Variants in APOLD1 observed in about 807,000 individuals in gnomAD.
APOLD1 encodes the protein apolipoprotein L domain containing 1.
In APOLD1, 22 loss-of-function variants were observed where a neutral mutation model predicts 15.3. The observed-to-expected ratio is 1.44, with a 90% confidence interval of 1.03 to 2.05. The LOEUF (loss-of-function observed/expected upper bound fraction) is 2.05, where lower values mean the gene tolerates loss of function less well. Among genes scored for constraint, APOLD1 ranks in the 30% most tolerant of loss-of-function variants. The probability of loss-of-function intolerance (pLI) is 0.00; values close to 1 mark genes in which losing one functional copy is unlikely to be tolerated. For missense variants in APOLD1, 394 were observed against 353.5 expected, an observed-to-expected ratio of 1.11 and a Z score of -0.92; for synonymous variants, 190 against 167.4, an observed-to-expected ratio of 1.13 and a Z score of -1.04.
chr12:12,787,882 T>A lies in APOLD1; in HGVS notation c.*230T>A. On this transcript the variant is annotated 3_prime_UTR_variant, in exon 2 of 2. Transcript: ENST00000356591. This position sits in a 1 kb window ranked among gnomAD's most constrained non-coding sequence, Gnocchi z 4.9. ...TTTCAGTCTTCCTAGTGGAAAAATG[T>A]GACCCAAAAACTCTTTTTCCTTTAT... 3 of 571,710 alleles carry A rather than the reference T, an allele frequency of 5.2e-6. No homozygotes were observed. Among genetic ancestry groups the A allele is most frequent in the Non-Finnish European group, 5.8e-6 (2 of 345,666 alleles). 35.4% of individuals were successfully genotyped at this position (571,710 alleles called of 1,614,324 possible).
chr12:12,728,962 A>G (rs1341232167), intron 1 of APOLD1, among the ~76,000 whole-genome samples: 1 of 152,140 alleles, frequency 6.6e-6, no homozygotes, highest in Non-Finnish European at 1.5e-5. Context: ...TCCCTAATTC[A>G]TCTGCACCTC....
At chr12:12,757,431 C>A (rs180724539) in intron 1 of APOLD1, among the ~76,000 whole-genome samples, 142 of 152,310 alleles carry the variant, frequency 9.3e-4, no homozygotes, top group African/African-American at 3.3e-3. Context: ...ATTGAAGAAC[C>A]AGTCCAGCCC....
At chr12:12,765,173 C>T (rs1592302443) in intron 1 of APOLD1, among the ~76,000 whole-genome samples, 3 of 152,178 alleles carry the variant, frequency 2.0e-5, no homozygotes, top group Middle Eastern at 6.8e-3. Context: ...AGGAAGCCTC[C>T]AATCATGATG....
chr12:12,764,457 C>T (rs1946929021), intron 1 of APOLD1, among the ~76,000 whole-genome samples: 1 of 152,066 alleles, frequency 6.6e-6, no homozygotes, highest in Non-Finnish European at 1.5e-5. Context: ...AAACCACAAC[C>T]ACATATGTGA....
At position 12,730,695 on chromosome 12, in the gene APOLD1, AAAAG is replaced by A. The variant is rs796102474; in HGVS notation, c.96+4611_96+4614del. 4.6e-3 allele frequency among the ~76,000 whole-genome samples: 577 copies of A among 124,190 alleles called. 2 individuals are homozygous for A. Among genetic ancestry groups the A allele is most frequent in the East Asian group, 6.5e-3 (27 of 4,140 alleles). 81.5% of individuals were successfully genotyped at this position (124,190 alleles called of 152,430 possible). The stretch of plus-strand genomic sequence containing the variant: ...AGACTTCCTCTAAAAAAAAAAAAAA[AAAAG>A]AAAGAAAGAAAAAAGTTTTTTTTTT... On this transcript the variant is annotated intron_variant, in intron 1 of 1. Transcript: ENST00000326765.
intron 1 of APOLD1, among the ~76,000 whole-genome samples, chr12:12,747,760 A>G (rs927074970): frequency 2.6e-5 from 4 of 152,242 alleles, no homozygotes; most frequent in Non-Finnish European, 5.9e-5. Context: ...TTGGCTAAAA[A>G]ATTGAAATGT....
intron 1 of APOLD1, among the ~76,000 whole-genome samples, chr12:12,769,656 G>T (rs1303899905): frequency 1.3e-5 from 2 of 152,186 alleles, no homozygotes; most frequent in African/African-American, 4.8e-5. Flanking sequence ...TAAGAACAAG[G>T]TCTTCCCTCA....
chr12:12,766,169 A>G (rs1420116903), intron 1 of APOLD1, among the ~76,000 whole-genome samples: 1 of 152,222 alleles, frequency 6.6e-6, no homozygotes, highest in African/African-American at 2.4e-5. Context: ...GCTGCTTCAC[A>G]GATCCTGAGT....
At chr12:12,776,868 A>C (rs1947039500) in intron 1 of APOLD1, among the ~76,000 whole-genome samples, 1 of 152,212 alleles carries the variant, frequency 6.6e-6, no homozygotes, top group South Asian at 2.1e-4. Context: ...ATTTCCTAGA[A>C]GTAGATATTA....
chr12:12,765,100 T>G (rs1408710589), intron 1 of APOLD1, among the ~76,000 whole-genome samples: 2 of 152,170 alleles, frequency 1.3e-5, no homozygotes, highest in Non-Finnish European at 2.9e-5. Flanking sequence ...GGAAATGTAG[T>G]CTTCCTGGTT....
Position 12,787,273 on chromosome 12 carries a change from T to C in APOLD1, c.368T>C (p.Ile123Thr), listed in dbSNP as rs1232401158. The C allele has an allele frequency of 6.3e-7, 1 of 1,598,852 alleles. No individual in the cohort carries two copies. Among genetic ancestry groups the C allele is most frequent in the Non-Finnish European group, 8.5e-7 (1 of 1,173,852 alleles). Residue 123 changes from isoleucine to threonine, a missense_variant, in exon 2 of 2, where the codon ATC becomes ACC. Physicochemically the swap from Ile to Thr is moderately conservative, Grantham distance 89. Coordinates refer to ENST00000356591, the MANE Select transcript of APOLD1 (RefSeq NM_030817.3). This position sits in a 1 kb window ranked among gnomAD's most constrained non-coding sequence, Gnocchi z 4.9. ...CGGGAGCTGCGGAGGGTGCAGGAGA[T>C]CGCGGCCACCTGCCAGGACCAGATG... ...NSRELRRVQEIAATCQDQMRE... is the reference protein window; with the variant it reads ...NSRELRRVQETAATCQDQMRE...
chr12:12,735,033 G>C (rs549810759), intron 1 of APOLD1, among the ~76,000 whole-genome samples: 1 of 152,194 alleles, frequency 6.6e-6, no homozygotes, highest in East Asian at 1.9e-4. Flanking sequence ...AAGCAAGCAG[G>C]GGCTAAAATC....
intron 1 of APOLD1, among the ~76,000 whole-genome samples, chr12:12,757,133 AT>A: frequency 6.6e-6 from 1 of 152,336 alleles, no homozygotes; most frequent in Middle Eastern, 3.4e-3. Flanking sequence ...AACAAGAACT[AT>A]AAAAAATATC....
rs186520992 is a variant in APOLD1 at position 12,738,195 on chromosome 12, G to A, written c.96+12099G>A. ...GCTCTCCCCATACTCACCAGAGCAAGCAAGTCCTTTTTTTTTTTTTTTTTT... is the reference window on the plus strand; with the variant it reads ...GCTCTCCCCATACTCACCAGAGCAAACAAGTCCTTTTTTTTTTTTTTTTTT... On this transcript the variant is annotated intron_variant, in intron 1 of 1. Transcript: ENST00000326765. 2.6e-4 allele frequency among the ~76,000 whole-genome samples: 35 copies of A among 136,552 alleles called. No homozygotes were observed. The East Asian group carries it at 7.8e-3, about 30-fold the overall frequency. The allele number at this position is 136,552 out of a possible 152,430, so 89.6% of individuals were successfully genotyped here.
In APOLD1 at chr12:12,757,322, C is replaced by T. The variant is rs4763300; in HGVS notation, c.97-29587C>T. On this transcript the variant is annotated intron_variant, in intron 1 of 1. Coordinates refer to the APOLD1 transcript ENST00000326765. ...ACCACAGACCTGCCTCTGGGGGTAT[C>T]GGCCCACTGAACCACAACAGACCAC... 5.1e-3 allele frequency among the ~76,000 whole-genome samples: 771 copies of T among 152,158 alleles called. 25 individuals are homozygous for T. The East Asian group carries it at 0.086, about 17-fold the overall frequency.
At chr12:12,763,322 C>A (rs947544560) in intron 1 of APOLD1, among the ~76,000 whole-genome samples, 21 of 151,984 alleles carry the variant, frequency 1.4e-4, no homozygotes, top group Non-Finnish European at 2.9e-4. Flanking sequence ...AATTATCCCC[C>A]CATATCCAAG....
At chr12:12,727,302 AAAT>A (rs1366460871) in intron 1 of APOLD1, among the ~76,000 whole-genome samples, 7 of 152,232 alleles carry the variant, frequency 4.6e-5, no homozygotes, top group Non-Finnish European at 8.8e-5. Context: ...TTACCTATTG[AAAT>A]AATATTTTGT....
chr12:12,730,077 T>TGAGA (rs146075502), intron 1 of APOLD1, among the ~76,000 whole-genome samples: 22 of 81,580 alleles, frequency 2.7e-4, no homozygotes, highest in East Asian at 1.2e-3. Flanking sequence ...TGTGTGTGTG[T>TGAGA]GAGAGAGAGA....
intron 1 of APOLD1, among the ~76,000 whole-genome samples, chr12:12,746,637 CTAATT>C (rs1565428874): frequency 2.0e-5 from 3 of 152,146 alleles, no homozygotes. Context: ...AAAACATGCT[CTAATT>C]TTTTTTAAAT....
Sources: gnomAD v4.1 joint callset for allele counts (sites outside exome capture counted in the v4.1 genomes callset) on GRCh38, gnomAD v4.1.1 for gene constraint, Gnocchi (gnomAD v3.1) non-coding constraint, MANE v1.5 for transcripts, NCBI Gene and HGNC (gene_info 2026-07-23, HGNC 2026-07-21) for gene names.